The following EPHB1 variants were observed in gnomAD, a reference collection of about 807,000 sequenced individuals.
EPHB1 encodes EPH receptor B1.
A neutral mutation model predicts 94.4 loss-of-function variants in EPHB1; 30 were observed. The observed-to-expected ratio is 0.32, with a 90% CI of 0.24 to 0.43. The LOEUF (loss-of-function observed/expected upper bound fraction) is 0.43, where lower values mean the gene tolerates loss of function less well. Ranked by LOEUF, EPHB1 falls within the 20% of genes least tolerant of loss-of-function variation. The pLI is 1.00. For missense variants in EPHB1, 1,055 were observed against 1,308.3 expected, an observed-to-expected ratio of 0.81 and a Z score of 2.99; for synonymous variants, 522 against 489.1, an observed-to-expected ratio of 1.07 and a Z score of -0.89.
chr3:134,959,808 G>C (rs777612961), intron 3 of EPHB1, among the ~76,000 whole-genome samples: 2 of 152,212 alleles, frequency 1.3e-5, no homozygotes, highest in South Asian at 4.2e-4. Context: ...GGGGGATTGT[G>C]TTTCTCTTAT....
intron 2 of EPHB1, among the ~76,000 whole-genome samples, chr3:134,943,141 G>A (rs1015053175): frequency 1.3e-5 from 2 of 152,192 alleles, no homozygotes; most frequent in African/African-American, 2.4e-5. Flanking sequence ...ATGTCTCTGG[G>A]CCTCACTCTG....
At chr3:135,005,335 G>C (rs1276112401) in intron 3 of EPHB1, among the ~76,000 whole-genome samples, 2 of 152,228 alleles carry the variant, frequency 1.3e-5, no homozygotes, top group Non-Finnish European at 2.9e-5. Context: ...CTAGCTGCGT[G>C]CTGGGAGAAC....
chr3:135,230,940 G>A (rs866542230), intron 12 of EPHB1, among the ~76,000 whole-genome samples: 1 of 152,164 alleles, frequency 6.6e-6, no homozygotes, highest in South Asian at 2.1e-4. Context: ...TGGTGTACAT[G>A]TACCACATTT....
At chr3:135,078,134 C>A (rs1576366452) in intron 3 of EPHB1, among the ~76,000 whole-genome samples, 1 of 152,146 alleles carries the variant, frequency 6.6e-6, no homozygotes, top group Non-Finnish European at 1.5e-5. Flanking sequence ...GGTTCCTGCT[C>A]AAGGGTAGAT....
intron 3 of EPHB1, among the ~76,000 whole-genome samples, chr3:135,039,651 C>G (rs112194546): frequency 7.2e-5 from 11 of 152,204 alleles, no homozygotes; most frequent in East Asian, 3.9e-4. Flanking sequence ...CTCAGTACAC[C>G]CTCCGCAGCC....
chr3:135,119,090 C>A (rs1467029613), intron 4 of EPHB1, among the ~76,000 whole-genome samples: 1 of 152,130 alleles, frequency 6.6e-6, no homozygotes, highest in Non-Finnish European at 1.5e-5. Context: ...ACCTCCTAGT[C>A]ATTTTGATTA....
intron 1 of EPHB1, chr3:134,840,591 C>T (rs1258724803): frequency 2.6e-5 from 4 of 152,178 alleles, no homozygotes; most frequent in African/African-American, 9.6e-5. Flanking sequence ...TTATATAGCT[C>T]TTGGCAATTG....
chr3:134,967,820 A>AC (rs1933821531), intron 3 of EPHB1, among the ~76,000 whole-genome samples: 1 of 133,500 alleles, frequency 7.5e-6, no homozygotes, highest in Non-Finnish European at 1.6e-5. Context: ...TTTTAAGGTG[A>AC]TGGATGCACA....
At chr3:135,193,172 A>G (rs138180713) in intron 11 of EPHB1, among the ~76,000 whole-genome samples, 1,976 of 152,306 alleles carry the variant, frequency 0.013, 39 homozygotes, top group African/African-American at 0.046. Context: ...ATCCGCGGCC[A>G]TCTCTGCCTT....
chr3:135,165,266 T>C lies in EPHB1; in HGVS notation c.1586-702T>C, dbSNP rs116669425. On this transcript the variant is annotated intron_variant, in intron 7 of 15. Transcript: ENST00000398015. ...TTGATTTTTTTCAACAGACAGGAAG[T>C]GTGAGGGTCAGAAGGACTAAATCGT... Among the ~76,000 whole-genome samples the C allele has an allele frequency of 6.6e-3, 999 of 152,210 alleles. 8 individuals are homozygous for C. The highest frequency in any genetic ancestry group is 0.023 in the African/African-American group (946 of 41,524).
At chr3:135,054,644 G>A (rs573581204) in intron 3 of EPHB1, among the ~76,000 whole-genome samples, 1 of 152,074 alleles carries the variant, frequency 6.6e-6, no homozygotes, top group Non-Finnish European at 1.5e-5. Flanking sequence ...CAGCTAGCAC[G>A]GATGTTAGCT....
chr3:135,211,375 T>C (rs894034317), intron 12 of EPHB1, among the ~76,000 whole-genome samples: 1 of 152,254 alleles, frequency 6.6e-6, no homozygotes, highest in Non-Finnish European at 1.5e-5. Context: ...AAAATAGTTA[T>C]CATTTCTCTT....
intron 3 of EPHB1, among the ~76,000 whole-genome samples, chr3:135,034,143 T>C (rs575846374): frequency 1.3e-5 from 2 of 152,360 alleles, no homozygotes; most frequent in East Asian, 3.9e-4. Context: ...AAAGCTGAGC[T>C]GATTTACTGG....
chr3:134,899,760 G>C (rs1334187411), intron 1 of EPHB1, among the ~76,000 whole-genome samples: 1 of 152,156 alleles, frequency 6.6e-6, no homozygotes, highest in Non-Finnish European at 1.5e-5. Context: ...CTGCAGCCTT[G>C]AACTCCTGGG....
chr3:134,894,691 C>T (rs1418162266), intron 1 of EPHB1, among the ~76,000 whole-genome samples: 1 of 152,242 alleles, frequency 6.6e-6, no homozygotes, highest in Non-Finnish European at 1.5e-5. Flanking sequence ...CCCAGACTCT[C>T]TGCTGTGCGC....
At chr3:134,963,334 A>C (rs914897483) in intron 3 of EPHB1, among the ~76,000 whole-genome samples, 2 of 152,236 alleles carry the variant, frequency 1.3e-5, no homozygotes, top group Non-Finnish European at 2.9e-5. Flanking sequence ...ATAGGCAAAC[A>C]GCTGATATTT....
intron 12 of EPHB1, among the ~76,000 whole-genome samples, chr3:135,204,057 G>T (rs934621437): frequency 1.3e-5 from 2 of 152,092 alleles, no homozygotes; most frequent in Non-Finnish European, 2.9e-5. Context: ...TATATTTATA[G>T]GGTACATGAG....
chr3:134,860,172 G>GACACACACACACACAC (rs71139560), intron 1 of EPHB1, among the ~76,000 whole-genome samples: 2 of 139,148 alleles, frequency 1.4e-5, no homozygotes, highest in Non-Finnish European at 3.1e-5. Flanking sequence ...CACACACACA[G>GACACACACACACACAC]ACACACACAC....
chr3:134,839,403 T>G (rs535572410), intron 1 of EPHB1, among the ~76,000 whole-genome samples: 1 of 152,346 alleles, frequency 6.6e-6, no homozygotes, highest in East Asian at 1.9e-4. Context: ...TTGGAGGTTC[T>G]GGCTATGTTA....
Sources: gnomAD v4.1 joint callset for allele counts (sites outside exome capture counted in the v4.1 genomes callset) on GRCh38, gnomAD v4.1.1 for gene constraint, MANE v1.5 for transcripts, NCBI Gene and HGNC (gene_info 2026-07-23, HGNC 2026-07-21) for gene names.